KCNQ1: variants seen among roughly 807,000 people sequenced by gnomAD.
KCNQ1 encodes the protein potassium voltage-gated channel subfamily Q member 1.
KCNQ1 carries 49 observed loss-of-function variants against 72.4 expected under a neutral mutation model. The ratio of observed to expected loss-of-function variants is 0.68; its 90% confidence interval spans 0.54 to 0.86. The LOEUF is 0.86. Among genes scored for constraint, KCNQ1 ranks in the 40% least tolerant of loss-of-function variants. The probability of loss-of-function intolerance (pLI) is 0.00; values close to 1 mark genes in which losing one functional copy is unlikely to be tolerated. For missense variants in KCNQ1, 790 were observed against 945.1 expected (o/e 0.84, Z 2.15); for synonymous variants, 450 against 412.6 (o/e 1.09, Z -1.10).
chr11:2,718,174 C>T (rs936911732), intron 11 of KCNQ1, among the ~76,000 whole-genome samples: 1 of 152,184 alleles, frequency 6.6e-6, no homozygotes, highest in African/African-American at 2.4e-5. Context: ...CCACTGCAGC[C>T]CAGAGGCCCT....
At position 2,451,956 on chromosome 11, in the gene KCNQ1, C is replaced by T. The variant is rs1846124251; in HGVS notation, c.386+6472C>T. Reference sequence around the variant, plus strand: ...TCCTGGCCTCAGGCCCAGTTTGTATCCATGGGCACCCCCACTCCCACCTAG... The same window carrying T: ...TCCTGGCCTCAGGCCCAGTTTGTATTCATGGGCACCCCCACTCCCACCTAG... On this transcript the variant is annotated intron_variant, in intron 1 of 15. Coordinates refer to ENST00000155840, the MANE Select transcript of KCNQ1 (RefSeq NM_000218.3). This position sits in a 1 kb window ranked among gnomAD's most constrained non-coding sequence, Gnocchi z 6.4. Among the ~76,000 whole-genome samples the T allele has an allele frequency of 6.6e-6, 1 of 152,168 alleles. No homozygotes were observed. Among genetic ancestry groups the T allele is most frequent in the South Asian group, 2.1e-4 (1 of 4,828 alleles).
At position 2,713,314 on chromosome 11, in the gene KCNQ1, G is replaced by C. The variant is rs1224342498; in HGVS notation, c.1514+51233G>C. 1.3e-5 allele frequency among the ~76,000 whole-genome samples: 2 copies of C among 152,060 alleles called. No homozygotes were observed. Among genetic ancestry groups the C allele is most frequent in the Non-Finnish European group, 2.9e-5 (2 of 68,016 alleles). ...TCACTGCGCTTCTCAGGCCTTCTGG[G>C]CTCTTCCTCTGCTGCTCGCCATAAA... On this transcript the variant is annotated intron_variant, in intron 11 of 15. Coordinates refer to ENST00000155840, the MANE Select transcript of KCNQ1 (RefSeq NM_000218.3). The surrounding 1 kb of genome is among the most constrained non-coding windows in gnomAD (Gnocchi z 5.6).
chr11:2,772,247 G>A lies in KCNQ1; in HGVS notation c.1590+3328G>A, dbSNP rs1037780552. Among the ~76,000 whole-genome samples the A allele has an allele frequency of 5.3e-5, 8 of 152,030 alleles. No homozygotes were observed. In the South Asian group the frequency reaches 6.2e-4, roughly 12 times the overall value. Reference sequence around the variant, plus strand: ...CTTGCTTGCACCCCACCCCACCCCCGCTGGCCTCAGGGGCTGCTGACATGG... The same window carrying A: ...CTTGCTTGCACCCCACCCCACCCCCACTGGCCTCAGGGGCTGCTGACATGG... On this transcript the variant is annotated intron_variant, in intron 12 of 15. Coordinates refer to ENST00000155840, the MANE Select transcript of KCNQ1 (RefSeq NM_000218.3). This position sits in a 1 kb window ranked among gnomAD's most constrained non-coding sequence, Gnocchi z 6.6.
chr11:2,544,266 G>GTATATA lies in KCNQ1; in HGVS notation c.477+16249_477+16250insATATAT, dbSNP rs1564811919. ...TGTGTGTGTATATATATATGTGTGT[G>GTATATA]TGTGTATATATATGTGTATATATAT... On this transcript the variant is annotated intron_variant, in intron 2 of 15. Transcript: ENST00000155840. The surrounding 1 kb of genome is among the most constrained non-coding windows in gnomAD (Gnocchi z 4.4). 7.2e-6 allele frequency among the ~76,000 whole-genome samples: 1 copy of GTATATA among 138,106 alleles called. No individual in the cohort carries two copies. Among genetic ancestry groups the GTATATA allele is most frequent in the African/African-American group, 2.8e-5 (1 of 35,202 alleles). 90.6% of individuals were successfully genotyped at this position (138,106 alleles called of 152,430 possible).
At chr11:2,580,143 C>T (rs996044909) in intron 6 of KCNQ1, among the ~76,000 whole-genome samples, 5 of 152,186 alleles carry the variant, frequency 3.3e-5, no homozygotes, top group Admixed American at 6.5e-5. Context: ...GCGCCCCTTA[C>T]GCTTGGCACG....
chr11:2,804,969 A>G (rs10766379), intron 15 of KCNQ1, among the ~76,000 whole-genome samples: 20,031 of 152,244 alleles, frequency 0.13, 2,166 homozygotes, highest in East Asian at 0.42. Context: ...AGTCAGATAC[A>G]ATGCTGACAG....
chr11:2,666,518 T>A, intron 11 of KCNQ1: 1 of 398,724 alleles, frequency 2.5e-6, no homozygotes, highest in Non-Finnish European at 4.4e-6. Context: ...CGCTGTGGCC[T>A]GGCTTTCATC....
rs546302184 is a variant in KCNQ1, at chr11:2,601,069, A to G, written c.1393+12215A>G. 6.7e-6 allele frequency among the ~76,000 whole-genome samples: 1 copy of G among 150,168 alleles called. No individual in the cohort carries two copies. Among genetic ancestry groups the G allele is most frequent in the South Asian group, 2.1e-4 (1 of 4,724 alleles). ...GGGGAGATTCTTTAAGGCCATGCAT[A>G]TACCCTGCTACTTGTTAAAAAAAAA... On this transcript the variant is annotated intron_variant, in intron 10 of 15. Transcript: ENST00000155840. This position sits in a 1 kb window ranked among gnomAD's most constrained non-coding sequence, Gnocchi z 5.2.
intron 3 of KCNQ1, 44 bp from the exon 4 acceptor site, chr11:2,571,281 G>A: frequency 4.7e-6 from 7 of 1,504,690 alleles, no homozygotes; most frequent in Non-Finnish European, 5.5e-6. Flanking sequence ...TGGGGCCCTG[G>A]CTGTGGCGAT....
At position 2,661,248 on chromosome 11, in the gene KCNQ1, A is replaced by G. The variant is rs1849950997; in HGVS notation, c.1394-713A>G. 1.0e-5 allele frequency: 4 copies of G among 399,192 alleles called. No individual in the cohort carries two copies. The highest frequency in any genetic ancestry group is 1.3e-5 in the Non-Finnish European group (3 of 226,502). The allele number at this position is 399,192 out of a possible 1,614,324, so 24.7% of individuals were successfully genotyped here. A position where few individuals can be genotyped will look rare whatever the true frequency, so the allele number is the denominator to read the frequency against. On this transcript the variant is annotated intron_variant, in intron 10 of 15. Transcript: ENST00000155840. This position sits in a 1 kb window ranked among gnomAD's most constrained non-coding sequence, Gnocchi z 5.9. Reference sequence around the variant, plus strand: ...GATGAGTACTTAATCCTTTTGCAATAAAATATTTAAATGAAGACAAATATA... The same window carrying G: ...GATGAGTACTTAATCCTTTTGCAATGAAATATTTAAATGAAGACAAATATA...
chr11:2,646,194 T>C, intron 10 of KCNQ1: 1 of 398,628 alleles, frequency 2.5e-6, no homozygotes, highest in Non-Finnish European at 4.4e-6. Context: ...CTACTTGCTA[T>C]ATTTTGTGGA....
intron 15 of KCNQ1, among the ~76,000 whole-genome samples, chr11:2,795,223 T>C (rs2134014560): frequency 6.6e-6 from 1 of 152,038 alleles, no homozygotes; most frequent in South Asian, 2.1e-4. Flanking sequence ...GAGGTAGGAG[T>C]GGTGGCTATG....
At chr11:2,548,013 TGGCGTGTGAGGGCTTGG>T (rs2133688786) in intron 2 of KCNQ1, among the ~76,000 whole-genome samples, 1 of 152,242 alleles carries the variant, frequency 6.6e-6, no homozygotes, top group South Asian at 2.1e-4. Flanking sequence ...TGGCAGGACC[TGGCGTGTGAGGGCTTGG>T]GGCGACTCTG....
rs1242380925 is a variant in KCNQ1, at chr11:2,785,805, A to T, written c.1794+7768A>T. On this transcript the variant is annotated intron_variant, in intron 15 of 15. Transcript: ENST00000155840. This position sits in a 1 kb window ranked among gnomAD's most constrained non-coding sequence, Gnocchi z 4.4. Reference sequence around the variant, plus strand: ...TTTTGAAGTTATGTATTCTACTACCATCCTTGGAAAGGTTAACCTAGAACA... The same window carrying T: ...TTTTGAAGTTATGTATTCTACTACCTTCCTTGGAAAGGTTAACCTAGAACA... 6.6e-6 allele frequency among the ~76,000 whole-genome samples: 1 copy of T among 152,040 alleles called. No homozygotes were observed. Among genetic ancestry groups the T allele is most frequent in the Admixed American group, 6.5e-5 (1 of 15,268 alleles).
intron 15 of KCNQ1, among the ~76,000 whole-genome samples, chr11:2,795,883 A>G (rs952011220): frequency 1.3e-5 from 2 of 151,994 alleles, no homozygotes; most frequent in African/African-American, 4.8e-5. Context: ...GGGCCGGGGG[A>G]ACAGGGGGTA....
rs1848177527 is a variant in KCNQ1, at chr11:2,562,104, C to T, written c.478-8524C>T. 6.6e-6 allele frequency among the ~76,000 whole-genome samples: 1 copy of T among 152,082 alleles called. No homozygotes were observed. Among genetic ancestry groups the T allele is most frequent in the Non-Finnish European group, 1.5e-5 (1 of 67,982 alleles). Reference sequence around the variant, plus strand: ...GGGCAGCCGGACCCCGACTGTGCCACCCTCAGCCCAGTGGATGGTGCATCT... The same window carrying T: ...GGGCAGCCGGACCCCGACTGTGCCATCCTCAGCCCAGTGGATGGTGCATCT... On this transcript the variant is annotated intron_variant, in intron 2 of 15. Coordinates refer to ENST00000155840, the MANE Select transcript of KCNQ1 (RefSeq NM_000218.3). This position sits in a 1 kb window ranked among gnomAD's most constrained non-coding sequence, Gnocchi z 7.5.
chr11:2,540,290 C>T (rs1847803514), intron 2 of KCNQ1, among the ~76,000 whole-genome samples: 1 of 152,224 alleles, frequency 6.6e-6, no homozygotes. Flanking sequence ...CCAGGTCACA[C>T]AGAGTGAAAA....
chr11:2,619,200 T>G (rs1481598298), intron 10 of KCNQ1: 1 of 398,446 alleles, frequency 2.5e-6, no homozygotes, highest in Non-Finnish European at 4.4e-6. Context: ...GTACTAGTAC[T>G]TCCAGTACTA....
chr11:2,801,070 G>GC (rs1847253266), intron 15 of KCNQ1, among the ~76,000 whole-genome samples: 1 of 152,178 alleles, frequency 6.6e-6, no homozygotes. Context: ...CTGGGGCAGG[G>GC]CCAGGCAGTG....
Sources: gnomAD v4.1 joint callset for allele counts (sites outside exome capture counted in the v4.1 genomes callset) on GRCh38, gnomAD v4.1.1 for gene constraint, Gnocchi (gnomAD v3.1) non-coding constraint, MANE v1.5 for transcripts, NCBI Gene and HGNC (gene_info 2026-07-23, HGNC 2026-07-21) for gene names.